ANKFN1: variants seen among roughly 807,000 people sequenced by gnomAD.
ANKFN1 encodes the protein ankyrin repeat and fibronectin type-III domain-containing protein 1.
Under a neutral mutation model 108.7 loss-of-function variants are expected in ANKFN1, and 74 were observed. The observed-to-expected ratio is 0.68, with a 90% CI of 0.56 to 0.83. ANKFN1 has a LOEUF of 0.83. Among genes scored for constraint, ANKFN1 ranks in the 40% least tolerant of loss-of-function variants. The pLI is 0.00. For synonymous variants in ANKFN1, 547 were observed against 516.2 expected (o/e 1.06, Z -0.81); for missense variants, 1,505 against 1,382.3 (o/e 1.09, Z -1.41).
At chr17:56,430,747 A>G (rs1242974940) in intron 8 of ANKFN1, among the ~76,000 whole-genome samples, 1 of 152,230 alleles carries the variant, frequency 6.6e-6, no homozygotes, top group Non-Finnish European at 1.5e-5. Context: ...GCTGAGGACT[A>G]TAGTGCCATA....
At chr17:56,083,550 G>C (rs983101556) in intron 4 of ANKFN1, among the ~76,000 whole-genome samples, 6 of 151,406 alleles carry the variant, frequency 4.0e-5, no homozygotes, top group African/African-American at 1.5e-4. Context: ...AACCAAACTG[G>C]CTCTTGAAAT....
In ANKFN1 at chr17:56,511,332, C is replaced by T; in HGVS notation, c.*63C>T. 1 of 1,375,420 alleles carries T rather than the reference C, an allele frequency of 7.3e-7. No homozygotes were observed. Among genetic ancestry groups the T allele is most frequent in the South Asian group, 1.4e-5 (1 of 69,108 alleles). 85.2% of individuals were successfully genotyped at this position (1,375,420 alleles called of 1,614,324 possible). On this transcript the variant is annotated 3_prime_UTR_variant, in exon 21 of 21. Coordinates refer to ENST00000682825, the MANE Select transcript of ANKFN1 (RefSeq NM_001370326.1). ...TACCTGCGTTTTACATCACCCTTAC[C>T]CCCATCCTGCCCCACTGTGTACCCA...
intron 20 of ANKFN1, among the ~76,000 whole-genome samples, chr17:56,502,441 C>CAT (rs1195532997): frequency 2.2e-4 from 34 of 152,276 alleles, no homozygotes; most frequent in African/African-American, 7.7e-4. Flanking sequence ...CTCTTGGGTC[C>CAT]ATTTACTTCT....
chr17:56,117,013 A>T (rs1906323420), intron 4 of ANKFN1, among the ~76,000 whole-genome samples: 1 of 152,156 alleles, frequency 6.6e-6, no homozygotes, highest in African/African-American at 2.4e-5. Flanking sequence ...AAAAAAGTTA[A>T]AAATTTTTCA....
In ANKFN1 at chr17:56,499,165, G is replaced by A. The variant is rs2051290701; in HGVS notation, c.2644+67G>A. Reference sequence around the variant, plus strand: ...CTTTTGATCCTCTCTTCACTGATGAGGACTTTTATGCTGAGGTATTGGTTC... The same window carrying A: ...CTTTTGATCCTCTCTTCACTGATGAAGACTTTTATGCTGAGGTATTGGTTC... On this transcript the variant is annotated intron_variant, in intron 20 of 20. Transcript: ENST00000682825. 3.5e-6 allele frequency: 5 copies of A among 1,413,978 alleles called. No homozygotes were observed. In the East Asian group the frequency reaches 7.5e-5, roughly 21 times the overall value. The allele number at this position is 1,413,978 out of a possible 1,614,324, so 87.6% of individuals were successfully genotyped here. A position where few individuals can be genotyped will look rare whatever the true frequency, so the allele number is the denominator to read the frequency against.
intron 3 of ANKFN1, among the ~76,000 whole-genome samples, chr17:56,255,143 C>G (rs2043327259): frequency 6.6e-6 from 1 of 152,180 alleles, no homozygotes; most frequent in African/African-American, 2.4e-5. Context: ...CCTTGCAACT[C>G]TTGGACGATT....
At position 56,271,290 on chromosome 17, in the gene ANKFN1, A is replaced by G. The variant is rs2043787467; in HGVS notation, c.53+43333A>G. 2.0e-5 allele frequency among the ~76,000 whole-genome samples: 3 copies of G among 152,270 alleles called. No homozygotes were observed. In the South Asian group the frequency reaches 6.2e-4, roughly 32 times the overall value. ...AAAGTGCTGGAATTACAGGTGTGAG[A>G]CACCATGCCTGGCCTATATGGTTAT... On this transcript the variant is annotated intron_variant, in intron 3 of 20. Coordinates refer to ENST00000682825, the MANE Select transcript of ANKFN1 (RefSeq NM_001370326.1).
At chr17:56,090,667 T>A (rs926372206) in intron 4 of ANKFN1, among the ~76,000 whole-genome samples, 3 of 151,098 alleles carry the variant, frequency 2.0e-5, no homozygotes, top group Admixed American at 6.6e-5. Context: ...AGTGCAGTGG[T>A]GCAATCATGG....
At chr17:56,456,547 G>A (rs890645293) in intron 11 of ANKFN1, among the ~76,000 whole-genome samples, 32 of 151,736 alleles carry the variant, frequency 2.1e-4, no homozygotes, top group South Asian at 6.3e-4. Context: ...ACAGACGTGC[G>A]CCACCACACC....
chr17:56,333,032 A>G, intron 4 of ANKFN1, among the ~76,000 whole-genome samples: 1 of 150,816 alleles, frequency 6.6e-6, no homozygotes, highest in Admixed American at 6.6e-5. Flanking sequence ...ATATCATGTC[A>G]TGTTCAGCAT....
chr17:56,099,044 T>C (rs1453470949), intron 4 of ANKFN1, among the ~76,000 whole-genome samples: 1 of 152,194 alleles, frequency 6.6e-6, no homozygotes, highest in Admixed American at 6.5e-5. Context: ...CCAGCAGGTT[T>C]AGAACAGGAG....
In ANKFN1 at chr17:56,296,686, AAAAC is replaced by A. The variant is rs1027303153; in HGVS notation, c.54-29520_54-29517del. Among the ~76,000 whole-genome samples, 86 of 152,264 alleles carry A rather than the reference AAAAC, an allele frequency of 5.6e-4. 1 individual carries two copies. Among genetic ancestry groups the A allele is most frequent in the African/African-American group, 1.8e-3 (73 of 41,544 alleles). On this transcript the variant is annotated intron_variant, in intron 3 of 20. Transcript: ENST00000682825. ...GCGACAGAGTAAGACTCCGTCTCAA[AAAAC>A]AAACAAACAAACAACAACAACAACA...
At chr17:56,096,985 C>A (rs944030489) in intron 4 of ANKFN1, among the ~76,000 whole-genome samples, 8 of 152,132 alleles carry the variant, frequency 5.3e-5, no homozygotes, top group Non-Finnish European at 1.0e-4. Flanking sequence ...AGCCAGAGGC[C>A]ATTATCCTAA....
chr17:56,249,947 A>G (rs1200965703), intron 3 of ANKFN1, among the ~76,000 whole-genome samples: 2 of 152,176 alleles, frequency 1.3e-5, no homozygotes, highest in African/African-American at 4.8e-5. Context: ...CATTATTTCC[A>G]AGGAAAAAAC....
intron 4 of ANKFN1, among the ~76,000 whole-genome samples, chr17:56,128,131 T>C (rs1235744950): frequency 6.6e-6 from 1 of 151,954 alleles, no homozygotes; most frequent in Non-Finnish European, 1.5e-5. Flanking sequence ...AACCACCCAA[T>C]ACATCGACAG....
intron 3 of ANKFN1, among the ~76,000 whole-genome samples, chr17:56,253,081 A>C (rs1394360939): frequency 1.3e-5 from 2 of 152,182 alleles, no homozygotes; most frequent in Non-Finnish European, 2.9e-5. Flanking sequence ...ATAATAATTG[A>C]TGTAATCTAG....
intron 3 of ANKFN1, among the ~76,000 whole-genome samples, chr17:56,290,996 C>T (rs867147657): frequency 3.9e-5 from 6 of 152,088 alleles, no homozygotes; most frequent in Non-Finnish European, 7.4e-5. Flanking sequence ...TAGTTCCATC[C>T]TAGAGAGGCA....
intron 4 of ANKFN1, among the ~76,000 whole-genome samples, chr17:56,085,207 ATC>A (rs1387648622): frequency 1.5e-5 from 2 of 133,720 alleles, no homozygotes; most frequent in African/African-American, 2.7e-5. Context: ...ATATATATAT[ATC>A]TCCACATCCT....
At position 56,350,843 on chromosome 17, in the gene ANKFN1, C is replaced by T; in HGVS notation, c.266C>T (p.Ser89Phe). The T allele has an allele frequency of 3.1e-6, 5 of 1,613,922 alleles. No homozygotes were observed. The highest frequency in any genetic ancestry group is 1.1e-5 in the South Asian group (1 of 91,086). ...CQSKKHSAPS[S>F]PNAAKRLYRN... ...TCAAAAAAACATAGTGCTCCCTCAT[C>T]TCCCAACGCAGCCAAACGCCTGTAC... Residue 89 changes from serine (S) to phenylalanine (F), a missense_variant, in exon 5 of 21, where the codon TCT (serine) becomes TTT (phenylalanine). By Grantham distance (155) the Ser-to-Phe change is radical. Transcript: ENST00000682825.
Sources: gnomAD v4.1 joint callset for allele counts (sites outside exome capture counted in the v4.1 genomes callset) on GRCh38, gnomAD v4.1.1 for gene constraint, MANE v1.5 for transcripts, NCBI Gene and HGNC (gene_info 2026-07-23, HGNC 2026-07-21) for gene names.